Variants in MAPRE2 observed in about 807,000 individuals in gnomAD.
The protein encoded by MAPRE2 is microtubule associated protein RP/EB family member 2.
MAPRE2 carries 13 observed loss-of-function variants against 43.2 expected under a neutral mutation model. The ratio of observed to expected loss-of-function variants is 0.30; its 90% CI spans 0.20 to 0.48. The LOEUF (loss-of-function observed/expected upper bound fraction) is 0.48, where lower values mean the gene tolerates loss of function less well. MAPRE2 is among the 20% of genes least tolerant of loss of function. The pLI, the probability that MAPRE2 is intolerant of heterozygous loss-of-function variation, is 0.99. For missense variants in MAPRE2, 161 were observed against 400.2 expected, an observed-to-expected ratio of 0.40 and a Z score of 5.10; for synonymous variants, 135 against 148.8, an observed-to-expected ratio of 0.91 and a Z score of 0.68.
At chr18:35,045,720 C>T (rs1905586050) in intron 1 of MAPRE2, among the ~76,000 whole-genome samples, 1 of 152,090 alleles carries the variant, frequency 6.6e-6, no homozygotes, top group African/African-American at 2.4e-5. Flanking sequence ...CATCACATTC[C>T]CCAAAACAGC....
intron 4 of MAPRE2, among the ~76,000 whole-genome samples, chr18:35,109,099 T>A (rs1909050709): frequency 1.3e-5 from 2 of 150,978 alleles, no homozygotes; most frequent in African/African-American, 4.8e-5. Flanking sequence ...GGGTTTGGGT[T>A]TTACATTTAA....
chr18:35,131,382 G>T (rs912296931), intron 5 of MAPRE2, among the ~76,000 whole-genome samples: 1 of 152,172 alleles, frequency 6.6e-6, no homozygotes, highest in Admixed American at 6.5e-5. Context: ...ACTGTAGACA[G>T]GGTGACTTAT....
At chr18:34,984,086 T>A (rs1275477581) in intron 1 of MAPRE2, among the ~76,000 whole-genome samples, 1 of 152,246 alleles carries the variant, frequency 6.6e-6, no homozygotes. Context: ...ATTTCCAAAT[T>A]CAAAAGTAGA....
intron 2 of MAPRE2, among the ~76,000 whole-genome samples, chr18:35,076,400 G>A (rs2144117098): frequency 6.6e-6 from 1 of 152,330 alleles, no homozygotes; most frequent in East Asian, 1.9e-4. Context: ...GGAGTCAGTA[G>A]AGAGATTTAC....
intron 3 of MAPRE2, among the ~76,000 whole-genome samples, chr18:35,101,070 T>C (rs1253790105): frequency 6.6e-6 from 1 of 152,128 alleles, no homozygotes; most frequent in African/African-American, 2.4e-5. Flanking sequence ...AAAAAGCTTA[T>C]CAGTCTTGAA....
chr18:35,030,846 G>A (rs2097047498), intron 2 of MAPRE2, among the ~76,000 whole-genome samples: 1 of 152,120 alleles, frequency 6.6e-6, no homozygotes, highest in African/African-American at 2.4e-5. Flanking sequence ...CACACTCACT[G>A]TGCTACATAC....
chr18:35,004,362 G>A (rs545257605), intron 1 of MAPRE2, among the ~76,000 whole-genome samples: 30 of 152,268 alleles, frequency 2.0e-4, no homozygotes, highest in South Asian at 1.7e-3. Flanking sequence ...ACACAGAAGA[G>A]CAATGTAGGG....
intron 1 of MAPRE2, among the ~76,000 whole-genome samples, chr18:35,069,460 A>G (rs1907000258): frequency 1.3e-5 from 2 of 152,270 alleles, no homozygotes; most frequent in South Asian, 4.1e-4. Flanking sequence ...ACTTACTCCA[A>G]AATAATCTGG....
chr18:35,049,543 C>T (rs546310238), intron 1 of MAPRE2, among the ~76,000 whole-genome samples: 2 of 152,192 alleles, frequency 1.3e-5, no homozygotes, highest in African/African-American at 4.8e-5. Flanking sequence ...ATTGCACAGC[C>T]CTCCCTTGAT....
At chr18:35,074,040 A>G (rs1907227711) in intron 2 of MAPRE2, among the ~76,000 whole-genome samples, 1 of 152,200 alleles carries the variant, frequency 6.6e-6, no homozygotes. Context: ...CTTGTGACAA[A>G]CAACCTTTAA....
intron 2 of MAPRE2, among the ~76,000 whole-genome samples, chr18:35,093,560 A>G (rs1908260533): frequency 6.6e-6 from 1 of 152,224 alleles, no homozygotes; most frequent in South Asian, 2.1e-4. Flanking sequence ...AGTGGTATAA[A>G]TACACAACGA....
chr18:35,088,048 C>T (rs929861893), intron 2 of MAPRE2, among the ~76,000 whole-genome samples: 2 of 152,212 alleles, frequency 1.3e-5, no homozygotes, highest in African/African-American at 4.8e-5. Context: ...CCCTCATGGA[C>T]TGCTTACCTC....
intron 4 of MAPRE2, among the ~76,000 whole-genome samples, chr18:35,106,122 A>G (rs1012547849): frequency 5.3e-5 from 8 of 152,292 alleles, no homozygotes; most frequent in African/African-American, 1.7e-4. Flanking sequence ...TCTGTATCAC[A>G]TTTATATCAC....
At chr18:35,106,333 C>T (rs985518289) in intron 4 of MAPRE2, among the ~76,000 whole-genome samples, 4 of 143,822 alleles carry the variant, frequency 2.8e-5, no homozygotes, top group Non-Finnish European at 4.5e-5. Flanking sequence ...CCAAAATTTC[C>T]TTAGGCCAAT....
At position 35,045,611 on chromosome 18, in the gene MAPRE2, T is replaced by G. The variant is rs1489078453; in HGVS notation, c.122+3950T>G. On this transcript the variant is annotated intron_variant, in intron 1 of 6. Transcript: ENST00000300249. Reference sequence around the variant, plus strand: ...CGTAATATTGTGCATGTGTGTGTGTTTTTTTGTGCACGTGTGTGTATAAAA... The same window carrying G: ...CGTAATATTGTGCATGTGTGTGTGTGTTTTTGTGCACGTGTGTGTATAAAA... Among the ~76,000 whole-genome samples, 5 of 152,186 alleles carry G rather than the reference T, an allele frequency of 3.3e-5. No homozygotes were observed. In the East Asian group the frequency reaches 9.6e-4, roughly 29 times the overall value.
At chr18:35,080,384 T>C (rs542146197) in intron 2 of MAPRE2, among the ~76,000 whole-genome samples, 153 of 152,336 alleles carry the variant, frequency 1.0e-3, no homozygotes, top group South Asian at 8.5e-3. Context: ...AAGTTCTCCC[T>C]GACAGGTCTA....
At chr18:34,994,908 C>G (rs2097025702) in intron 1 of MAPRE2, among the ~76,000 whole-genome samples, 1 of 152,152 alleles carries the variant, frequency 6.6e-6, no homozygotes, top group Non-Finnish European at 1.5e-5. Context: ...GCTCTTTATA[C>G]CAGGCAGCTT....
intron 1 of MAPRE2, among the ~76,000 whole-genome samples, chr18:35,056,451 T>C (rs1474933993): frequency 6.6e-6 from 1 of 152,202 alleles, no homozygotes; most frequent in African/African-American, 2.4e-5. Flanking sequence ...CTTATAATTC[T>C]TACTCAATTG....
intron 4 of MAPRE2, among the ~76,000 whole-genome samples, chr18:35,118,840 C>G (rs1200428761): frequency 6.6e-6 from 1 of 152,176 alleles, no homozygotes; most frequent in East Asian, 1.9e-4. Context: ...GTGGAGAAGG[C>G]AGGGCCTTTG....
Sources: allele counts gnomAD v4.1 joint callset (sites outside exome capture counted in the v4.1 genomes callset), GRCh38; gene constraint gnomAD v4.1.1; transcripts MANE v1.5; gene names NCBI Gene and HGNC (gene_info 2026-07-23, HGNC 2026-07-21).